The following TNRC6B variants were observed in gnomAD, a reference collection of about 807,000 sequenced individuals.
TNRC6B encodes trinucleotide repeat containing adaptor 6B.
A neutral mutation model predicts 203.6 loss-of-function variants in TNRC6B; 52 were observed. The observed-to-expected ratio is 0.26, with a 90% CI of 0.20 to 0.32. The LOEUF (loss-of-function observed/expected upper bound fraction) is 0.32. Among genes scored for constraint, TNRC6B ranks in the 10% least tolerant of loss-of-function variants. TNRC6B has a pLI of 1.00. For missense variants in TNRC6B, 1,923 were observed against 2,286.2 expected, an observed-to-expected ratio of 0.84 and a Z score of 3.24; for synonymous variants, 838 against 845.7, an observed-to-expected ratio of 0.99 and a Z score of 0.16.
chr22:40,147,891 G>A (rs572254323), intron 3 of TNRC6B, among the ~76,000 whole-genome samples: 1 of 152,280 alleles, frequency 6.6e-6, no homozygotes, highest in South Asian at 2.1e-4. Context: ...GAGGCAAAAT[G>A]GAGAGTGACT....
At chr22:40,225,696 TCGTGCCACTC>T (rs2069773894) in intron 1 of TNRC6B, among the ~76,000 whole-genome samples, 1 of 127,672 alleles carries the variant, frequency 7.8e-6, no homozygotes, top group East Asian at 2.7e-4. Flanking sequence ...TGAGCCAAAA[TCGTGCCACTC>T]CACTCCAGCC....
intron 1 of TNRC6B, among the ~76,000 whole-genome samples, chr22:40,107,813 A>C (rs2068299719): frequency 6.6e-6 from 1 of 151,818 alleles, no homozygotes; most frequent in Non-Finnish European, 1.5e-5. Flanking sequence ...TTTATCCATA[A>C]ATTTAAACCT....
At chr22:40,282,445 C>T (rs1037735034) in intron 11 of TNRC6B, among the ~76,000 whole-genome samples, 3 of 152,096 alleles carry the variant, frequency 2.0e-5, no homozygotes, top group African/African-American at 4.8e-5. Context: ...TGGATATATA[C>T]TGTTTATATA....
chr22:40,060,741 A>G (rs376731804), intron 1 of TNRC6B, among the ~76,000 whole-genome samples: 1 of 152,234 alleles, frequency 6.6e-6, no homozygotes, highest in Non-Finnish European at 1.5e-5. Flanking sequence ...GTCTTTTCCC[A>G]GTAGAACATA....
intron 12 of TNRC6B, among the ~76,000 whole-genome samples, chr22:40,298,228 A>T (rs1263191460): frequency 6.6e-6 from 1 of 152,248 alleles, no homozygotes; most frequent in Non-Finnish European, 1.5e-5. Context: ...GTTTTTAAAT[A>T]TTATAGATTT....
chr22:40,195,099 C>CA (rs1288582587), intron 1 of TNRC6B, among the ~76,000 whole-genome samples: 2 of 152,186 alleles, frequency 1.3e-5, no homozygotes, highest in African/African-American at 4.8e-5. Context: ...TTTGCAGAGA[C>CA]AACAATGTAT....
In TNRC6B at chr22:40,232,230, G is replaced by A. The variant is rs111913399; in HGVS notation, c.6-13785G>A. Among the ~76,000 whole-genome samples the A allele has an allele frequency of 4.4e-3, 669 of 152,290 alleles. 1 individual carries two copies. Among genetic ancestry groups the A allele is most frequent in the Non-Finnish European group, 6.8e-3 (465 of 68,022 alleles). On this transcript the variant is annotated intron_variant, in intron 1 of 22. Coordinates refer to ENST00000454349, the MANE Select transcript of TNRC6B (RefSeq NM_001162501.2). The stretch of plus-strand genomic sequence containing the variant: ...CAGTATTAGCAGCGGCATATCATAC[G>A]GGACAAGTAAGTGGCAGGCCCACCC...
intron 1 of TNRC6B, among the ~76,000 whole-genome samples, chr22:40,230,336 C>T (rs1314350060): frequency 7.3e-6 from 1 of 137,668 alleles, no homozygotes; most frequent in African/African-American, 2.7e-5. Flanking sequence ...GTCGCCCAGA[C>T]TGGAGTGCAG....
intron 7 of TNRC6B, among the ~76,000 whole-genome samples, chr22:40,274,425 T>C (rs6001856): frequency 1.4e-4 from 21 of 150,166 alleles, no homozygotes; most frequent in African/African-American, 5.1e-4. Flanking sequence ...GATATCTCTT[T>C]TTTTTTTTTT....
intron 3 of TNRC6B, among the ~76,000 whole-genome samples, chr22:40,141,353 G>A (rs932567274): frequency 2.6e-5 from 4 of 151,386 alleles, no homozygotes; most frequent in African/African-American, 4.9e-5. Context: ...CTACAGGCAC[G>A]CACCACCATG....
At chr22:40,219,661 T>C (rs561959281) in intron 1 of TNRC6B, among the ~76,000 whole-genome samples, 72 of 152,298 alleles carry the variant, frequency 4.7e-4, no homozygotes, top group African/African-American at 1.7e-3. Context: ...CTGTTCCCCA[T>C]GTCTTGGGTC....
At chr22:40,208,639 G>A (rs934115519) in intron 1 of TNRC6B, among the ~76,000 whole-genome samples, 1 of 152,134 alleles carries the variant, frequency 6.6e-6, no homozygotes, top group Non-Finnish European at 1.5e-5. Context: ...GGAAAGGTGG[G>A]ATTATACAGG....
At chr22:40,248,242 C>T (rs62238015) in intron 2 of TNRC6B, among the ~76,000 whole-genome samples, 1 of 152,168 alleles carries the variant, frequency 6.6e-6, no homozygotes, top group Non-Finnish European at 1.5e-5. Context: ...TGTCGCCGTG[C>T]CTCGCACACA....
At chr22:40,203,682 C>G (rs547957201) in intron 1 of TNRC6B, among the ~76,000 whole-genome samples, 13 of 150,796 alleles carry the variant, frequency 8.6e-5, no homozygotes, top group Admixed American at 7.3e-4. Context: ...GTCATCAGAA[C>G]AGAATCGTGT....
chr22:40,128,046 T>C (rs1243693403), intron 3 of TNRC6B, among the ~76,000 whole-genome samples: 3 of 152,246 alleles, frequency 2.0e-5, no homozygotes, highest in Non-Finnish European at 2.9e-5. Context: ...TCTTGATTTT[T>C]CAATTACTGA....
At chr22:40,220,241 C>A (rs549437027) in intron 1 of TNRC6B, among the ~76,000 whole-genome samples, 2 of 152,166 alleles carry the variant, frequency 1.3e-5, no homozygotes, top group Admixed American at 1.3e-4. Context: ...TGAAGGATCC[C>A]CAAACCCTTG....
chr22:40,137,032 A>G (rs917560920), intron 3 of TNRC6B, among the ~76,000 whole-genome samples: 10 of 152,032 alleles, frequency 6.6e-5, no homozygotes, highest in African/African-American at 2.4e-4. Context: ...GAACTGCAAG[A>G]TCTGTTCTTA....
At chr22:40,321,980 G>A (rs1290967845) in intron 22 of TNRC6B, among the ~76,000 whole-genome samples, 1 of 152,132 alleles carries the variant, frequency 6.6e-6, no homozygotes, top group Non-Finnish European at 1.5e-5. Flanking sequence ...GGTGGACGGA[G>A]AAGACCTGAC....
At chr22:40,251,157 CT>C in intron 2 of TNRC6B, 21 bp from the exon 3 acceptor site, 1 of 1,529,442 alleles carries the variant, frequency 6.5e-7, no homozygotes, top group East Asian at 2.5e-5. Context: ...ATCTCATTTA[CT>C]TTTATCTGTT....
Sources: allele counts gnomAD v4.1 joint callset (sites outside exome capture counted in the v4.1 genomes callset), GRCh38; gene constraint gnomAD v4.1.1; transcripts MANE v1.5; gene names NCBI Gene and HGNC (gene_info 2026-07-23, HGNC 2026-07-21).